OSTF1: variants seen among roughly 807,000 people sequenced by gnomAD.
OSTF1 encodes the protein osteoclast-stimulating factor 1.
In OSTF1, 27 loss-of-function variants were observed where a neutral mutation model predicts 37.2. That is an observed-to-expected ratio of 0.73 (90% CI 0.54 to 1.00). The LOEUF is 1.00. Ranked by LOEUF, OSTF1 falls within the 50% of genes least tolerant of loss-of-function variation. OSTF1 has a pLI of 0.00. For synonymous variants in OSTF1, 82 were observed against 89.2 expected (o/e 0.92, Z 0.46); for missense variants, 232 against 253.8 (o/e 0.91, Z 0.58).
chr9:75,095,774 T>C (rs1193220945), intron 1 of OSTF1, among the ~76,000 whole-genome samples: 1 of 152,206 alleles, frequency 6.6e-6, no homozygotes, highest in East Asian at 1.9e-4. Context: ...TCTTCACAGA[T>C]TGCTTATCTG....
At chr9:75,113,239 G>T (rs11144236) in intron 1 of OSTF1, among the ~76,000 whole-genome samples, 31,028 of 151,988 alleles carry the variant, frequency 0.2, 4,098 homozygotes, top group East Asian at 0.39. Flanking sequence ...GATTATAAAG[G>T]TAATACACAC....
chr9:75,119,307 G>A (rs1825541128), intron 2 of OSTF1, among the ~76,000 whole-genome samples: 1 of 152,170 alleles, frequency 6.6e-6, no homozygotes, highest in Admixed American at 6.5e-5. Context: ...GACTAACATG[G>A]GGGTGTGCAT....
chr9:75,116,736 T>A (rs1825497039), intron 1 of OSTF1, among the ~76,000 whole-genome samples: 1 of 152,034 alleles, frequency 6.6e-6, no homozygotes, highest in Non-Finnish European at 1.5e-5. Context: ...GTTAAGATGG[T>A]CATGTTTATA....
At chr9:75,127,962 G>A (rs1825686735) in intron 3 of OSTF1, among the ~76,000 whole-genome samples, 1 of 151,890 alleles carries the variant, frequency 6.6e-6, no homozygotes, top group Non-Finnish European at 1.5e-5. Context: ...GGGTGAGAGT[G>A]TATGTGTACA....
chr9:75,095,559 A>G (rs1825061070), intron 1 of OSTF1, among the ~76,000 whole-genome samples: 1 of 152,204 alleles, frequency 6.6e-6, no homozygotes, highest in Non-Finnish European at 1.5e-5. Context: ...AAATGAAATA[A>G]TGCATCCTCC....
intron 2 of OSTF1, among the ~76,000 whole-genome samples, chr9:75,124,528 T>C (rs1369418595): frequency 6.6e-6 from 1 of 152,212 alleles, no homozygotes; most frequent in Non-Finnish European, 1.5e-5. Context: ...CATGCGATGT[T>C]TGTTTTTCTG....
intron 6 of OSTF1, among the ~76,000 whole-genome samples, chr9:75,133,885 G>C (rs573691792): frequency 2.8e-4 from 42 of 152,188 alleles, no homozygotes; most frequent in African/African-American, 9.6e-4. Context: ...TGAATTTTTA[G>C]ATGTATTTCT....
chr9:75,124,047 C>T (rs996937890), intron 2 of OSTF1, among the ~76,000 whole-genome samples: 1 of 152,130 alleles, frequency 6.6e-6, no homozygotes, highest in Non-Finnish European at 1.5e-5. Flanking sequence ...ACTTGAAAGA[C>T]ATTAAGAGTT....
chr9:75,090,294 G>GGT (rs3837221), intron 1 of OSTF1, among the ~76,000 whole-genome samples: 1,513 of 149,440 alleles, frequency 0.01, 16 homozygotes, highest in East Asian at 0.055. Flanking sequence ...GACATTGACA[G>GGT]GTGTGTGTGT....
chr9:75,143,033 G>A (rs867222212), intron 9 of OSTF1, among the ~76,000 whole-genome samples: 2 of 150,736 alleles, frequency 1.3e-5, no homozygotes, highest in Admixed American at 6.6e-5. Flanking sequence ...TCCGCCTCCC[G>A]GGCTCAAGTG....
At chr9:75,090,947 A>G (rs1292214033) in intron 1 of OSTF1, among the ~76,000 whole-genome samples, 2 of 152,236 alleles carry the variant, frequency 1.3e-5, no homozygotes, top group Admixed American at 1.3e-4. Context: ...CAGTACCATT[A>G]TATTGTTCCT....
chr9:75,101,369 A>G (rs1825190739), intron 1 of OSTF1, among the ~76,000 whole-genome samples: 1 of 152,190 alleles, frequency 6.6e-6, no homozygotes, highest in African/African-American at 2.4e-5. Flanking sequence ...AGAGGATGCA[A>G]TTAGGGAAAC....
At chr9:75,116,308 T>G (rs573468787) in intron 1 of OSTF1, among the ~76,000 whole-genome samples, 1 of 152,256 alleles carries the variant, frequency 6.6e-6, no homozygotes. Flanking sequence ...TCCATCGTGG[T>G]TCTAGAACCG....
At chr9:75,139,664 C>G (rs2118623372) in intron 8 of OSTF1, among the ~76,000 whole-genome samples, 1 of 152,354 alleles carries the variant, frequency 6.6e-6, no homozygotes, top group African/African-American at 2.4e-5. Flanking sequence ...CTCAAATGAT[C>G]TGCCCGCCTT....
chr9:75,111,811 C>CTTTTTTT lies in OSTF1; in HGVS notation c.35-5669_35-5663dup, dbSNP rs535464490. ...TGGTGATCTATTAAGATGTTTACTG[C>CTTTTTTT]TTTTTTTTTTTTTTTTTTTTTTTTT... is the stretch of plus-strand genomic sequence containing the variant. On this transcript the variant is annotated intron_variant, in intron 1 of 9. Coordinates refer to ENST00000346234, the MANE Select transcript of OSTF1 (RefSeq NM_012383.5). 7.3e-4 allele frequency among the ~76,000 whole-genome samples: 38 copies of CTTTTTTT among 52,162 alleles called. 1 individual carries two copies. Among genetic ancestry groups the CTTTTTTT allele is most frequent in the Admixed American group, 1.3e-3 (4 of 2,996 alleles). 34.2% of individuals were successfully genotyped at this position (52,162 alleles called of 152,430 possible).
intron 3 of OSTF1, among the ~76,000 whole-genome samples, chr9:75,130,148 A>G (rs1220087214): frequency 1.3e-5 from 2 of 152,056 alleles, no homozygotes; most frequent in African/African-American, 4.8e-5. Flanking sequence ...CTTTTTTGTA[A>G]GTTTAAATTT....
chr9:75,143,050 C>T (rs944548184), intron 9 of OSTF1, among the ~76,000 whole-genome samples: 1 of 151,846 alleles, frequency 6.6e-6, no homozygotes. Flanking sequence ...AGTGATTCTC[C>T]TGCCTCAGCC....
At chr9:75,138,231 T>G (rs1347742846) in intron 8 of OSTF1, among the ~76,000 whole-genome samples, 1 of 152,190 alleles carries the variant, frequency 6.6e-6, no homozygotes, top group African/African-American at 2.4e-5. Context: ...AAGCCTATCA[T>G]GTAGGATGCT....
At chr9:75,122,317 A>G (rs1294567284) in intron 2 of OSTF1, among the ~76,000 whole-genome samples, 1 of 152,224 alleles carries the variant, frequency 6.6e-6, no homozygotes, top group African/African-American at 2.4e-5. Context: ...ATAGGAGCCC[A>G]GCCCTGCCAC....
Sources: gnomAD v4.1 joint callset for allele counts (sites outside exome capture counted in the v4.1 genomes callset) on GRCh38, gnomAD v4.1.1 for gene constraint, MANE v1.5 for transcripts, NCBI Gene and HGNC (gene_info 2026-07-23, HGNC 2026-07-21) for gene names.